STK32C: variants seen among roughly 807,000 people sequenced by gnomAD.
STK32C encodes the protein serine/threonine-protein kinase 32C.
In STK32C, 31 loss-of-function variants were observed where a neutral mutation model predicts 56.5. That is an observed-to-expected ratio of 0.55 (90% CI 0.41 to 0.74). STK32C has a LOEUF of 0.74. Ranked by LOEUF, STK32C falls within the 30% of genes least tolerant of loss-of-function variation. The probability of loss-of-function intolerance (pLI) is 0.00; values close to 1 mark genes in which losing one functional copy is unlikely to be tolerated. For missense variants in STK32C, 544 were observed against 676.9 expected (o/e 0.80, Z 2.18); for synonymous variants, 309 against 289.4 (o/e 1.07, Z -0.69).
chr10:132,253,743 G>C (rs902326012), intron 1 of STK32C, among the ~76,000 whole-genome samples: 1 of 152,204 alleles, frequency 6.6e-6, no homozygotes, highest in African/African-American at 2.4e-5. Flanking sequence ...ACACCGGCTC[G>C]AGGCGAGAGA....
chr10:132,265,523 C>T (rs551255358), intron 1 of STK32C, among the ~76,000 whole-genome samples: 6 of 152,280 alleles, frequency 3.9e-5, no homozygotes, highest in South Asian at 4.1e-4. Context: ...GGAGAGGACA[C>T]GGTGCAGAGA....
At chr10:132,284,145 G>A (rs1464802980) in intron 1 of STK32C, among the ~76,000 whole-genome samples, 1 of 151,842 alleles carries the variant, frequency 6.6e-6, no homozygotes, top group Non-Finnish European at 1.5e-5. Flanking sequence ...GTGGTGAAGA[G>A]CAGACGCCGA....
chr10:132,223,427 C>T (rs1011802875), intron 8 of STK32C, among the ~76,000 whole-genome samples: 1 of 152,222 alleles, frequency 6.6e-6, no homozygotes, highest in African/African-American at 2.4e-5. Context: ...GCCTGGGAAG[C>T]AACATCCCAG....
At chr10:132,281,903 G>C (rs79705765) in intron 1 of STK32C, among the ~76,000 whole-genome samples, 2 of 113,786 alleles carry the variant, frequency 1.8e-5, no homozygotes, top group Non-Finnish European at 1.7e-5. Flanking sequence ...GGTGGGGTCT[G>C]GGGGGAAGAG....
At chr10:132,314,395 C>A (rs1388681929) in intron 1 of STK32C, among the ~76,000 whole-genome samples, 1 of 152,084 alleles carries the variant, frequency 6.6e-6, no homozygotes, top group Non-Finnish European at 1.5e-5. Context: ...TAAAAAGTGG[C>A]CCAGCTAACG....
Position 132,225,512 on chromosome 10 carries a change from C to G in STK32C, c.772+15G>C. The stretch of plus-strand genomic sequence containing the variant: ...AGGAAGCCAGCTCCCATCTGGAACC[C>G]CAGCTCGGGCTCACCCATGTACGGC... On this transcript the variant is annotated intron_variant, in intron 6 of 11. Coordinates refer to ENST00000298630, the MANE Select transcript of STK32C (RefSeq NM_173575.4). 2 of 1,613,722 alleles carry G rather than the reference C, an allele frequency of 1.2e-6. No homozygotes were observed. The highest frequency in any genetic ancestry group is 1.7e-6 in the Non-Finnish European group (2 of 1,180,006).
Position 132,329,564 on chromosome 10 carries a change from G to A in STK32C, c.301+1872C>T, listed in dbSNP as rs560301711. Among the ~76,000 whole-genome samples the A allele has an allele frequency of 2.5e-4, 38 of 152,210 alleles. 1 individual carries two copies. In the South Asian group the frequency reaches 7.0e-3, roughly 28 times the overall value. On this transcript the variant is annotated intron_variant, in intron 1 of 1. Coordinates refer to the STK32C transcript ENST00000368619. ...GAAAATTAGAAATAGAGACCAATGC[G>A]GTTTTATTTAAAAACTCAACAGATT...
rs1161760839 is a variant in STK32C, at chr10:132,262,766, A to AC, written c.263-16812_263-16811insG. ...GAGACTCCATCTCAAAAAAAAAAAA[A>AC]AAAAAAACAGGTAAAATACATGAAC... On this transcript the variant is annotated intron_variant, in intron 1 of 11. Transcript: ENST00000298630. Among the ~76,000 whole-genome samples, 195 of 150,824 alleles carry AC rather than the reference A, an allele frequency of 1.3e-3. 1 individual carries two copies. Among genetic ancestry groups the AC allele is most frequent in the African/African-American group, 4.3e-3 (176 of 40,690 alleles).
intron 1 of STK32C, among the ~76,000 whole-genome samples, chr10:132,270,630 T>C (rs1000674774): frequency 6.6e-6 from 1 of 152,212 alleles, no homozygotes; most frequent in Non-Finnish European, 1.5e-5. Context: ...CTGCCGGATA[T>C]GAACCCATGG....
At chr10:132,298,241 T>C (rs2065812553) in intron 1 of STK32C, among the ~76,000 whole-genome samples, 1 of 152,224 alleles carries the variant, frequency 6.6e-6, no homozygotes, top group Non-Finnish European at 1.5e-5. Flanking sequence ...GAGCTGGGCC[T>C]GTGACTGGCT....
At chr10:132,220,325 T>A (rs1007923861) in intron 10 of STK32C, among the ~76,000 whole-genome samples, 1 of 152,118 alleles carries the variant, frequency 6.6e-6, no homozygotes, top group Non-Finnish European at 1.5e-5. Context: ...CAAGGACTGG[T>A]TTTCCTCCCC....
rs546386748 is a variant in STK32C at position 132,255,166 on chromosome 10, T to C, written c.263-9211A>G. ...AAATGCCGTCTCGTCTCCTATGACCTGGGAAGTGCTTATGATGAGGAAAAT... is the reference window on the plus strand; with the variant it reads ...AAATGCCGTCTCGTCTCCTATGACCCGGGAAGTGCTTATGATGAGGAAAAT... On this transcript the variant is annotated intron_variant, in intron 1 of 11. Coordinates refer to ENST00000298630, the MANE Select transcript of STK32C (RefSeq NM_173575.4). The surrounding 1 kb of genome is among the most constrained non-coding windows in gnomAD (Gnocchi z 4.6). Among the ~76,000 whole-genome samples, 2 of 152,302 alleles carry C rather than the reference T, an allele frequency of 1.3e-5. No homozygotes were observed. The highest frequency in any genetic ancestry group is 4.1e-4 in the South Asian group (2 of 4,830).
At chr10:132,302,455 A>G (rs563023456) in intron 1 of STK32C, among the ~76,000 whole-genome samples, 3 of 152,332 alleles carry the variant, frequency 2.0e-5, no homozygotes, top group Admixed American at 6.5e-5. Flanking sequence ...GGCCCCCAGG[A>G]CACCCGGTGC....
intron 1 of STK32C, among the ~76,000 whole-genome samples, chr10:132,297,059 T>TCAC (rs554486474): frequency 7.9e-5 from 12 of 152,230 alleles, no homozygotes; most frequent in Non-Finnish European, 1.6e-4. Context: ...ACCACCCCTT[T>TCAC]CACCTTTTGT....
intron 2 of STK32C, among the ~76,000 whole-genome samples, chr10:132,228,855 G>A (rs902126114): frequency 6.6e-6 from 1 of 152,248 alleles, no homozygotes; most frequent in African/African-American, 2.4e-5. Context: ...CCTGCAAGGA[G>A]ACACACAGAG....
In STK32C at chr10:132,225,744, C is replaced by T; in HGVS notation, c.682+3G>A. 1 of 1,614,156 alleles carries T rather than the reference C, an allele frequency of 6.2e-7. No individual in the cohort carries two copies. Among genetic ancestry groups the T allele is most frequent in the Non-Finnish European group, 8.5e-7 (1 of 1,180,014 alleles). On this transcript the variant is annotated splice_donor_region_variant and intron_variant, in intron 5 of 11. Coordinates refer to ENST00000298630, the MANE Select transcript of STK32C (RefSeq NM_173575.4). Reference sequence around the variant, plus strand: ...TGGGCTGCCCACACCCAACCCCACACACCTCTCTCATCCAGGAGAATGTTG... The same window carrying T: ...TGGGCTGCCCACACCCAACCCCACATACCTCTCTCATCCAGGAGAATGTTG...
chr10:132,209,398 A>G, intron 10 of STK32C: 1 of 630,148 alleles, frequency 1.6e-6, no homozygotes. Context: ...TCTCTGCGGG[A>G]CTTTGCTGGA....
chr10:132,209,106 G>T lies in STK32C; in HGVS notation c.1252-5C>A, dbSNP rs367558420. The T allele has an allele frequency of 2.5e-6, 4 of 1,613,578 alleles. No individual in the cohort carries two copies. Among genetic ancestry groups the T allele is most frequent in the Non-Finnish European group, 2.5e-6 (3 of 1,179,818 alleles). ...GTCTTGAAGATAGTCATTCTCCTGT[G>T]GATGGAAAGGCACACGTGAGCGTGG... On this transcript the variant is annotated splice_region_variant and splice_polypyrimidine_tract_variant and intron_variant, in intron 10 of 11. Coordinates refer to ENST00000298630, the MANE Select transcript of STK32C (RefSeq NM_173575.4).
At chr10:132,321,084 G>T (rs954566543), downstream of STK32C, among the ~76,000 whole-genome samples, 26 of 152,220 alleles carry the variant, frequency 1.7e-4, no homozygotes, top group Non-Finnish European at 5.9e-5. Flanking sequence ...CTGGAGAGTG[G>T]GATGGAACAC....
Sources: gnomAD v4.1 joint callset for allele counts (sites outside exome capture counted in the v4.1 genomes callset) on GRCh38, gnomAD v4.1.1 for gene constraint, Gnocchi (gnomAD v3.1) non-coding constraint, MANE v1.5 for transcripts, NCBI Gene and HGNC (gene_info 2026-07-23, HGNC 2026-07-21) for gene names.